ANKHD1: variants seen among roughly 807,000 people sequenced by gnomAD.
The protein encoded by ANKHD1 is ankyrin repeat and KH domain-containing protein 1.
Under a neutral mutation model 230.5 loss-of-function variants are expected in ANKHD1, and 31 were observed. The ratio of observed to expected loss-of-function variants is 0.13; its 90% CI spans 0.10 to 0.18. The LOEUF is 0.18. Ranked by LOEUF, ANKHD1 falls within the 10% of genes least tolerant of loss-of-function variation. The pLI is 1.00. For missense variants in ANKHD1, 2,256 were observed against 3,071.3 expected (o/e 0.73, Z 6.27); for synonymous variants, 1,074 against 1,117.6 (o/e 0.96, Z 0.78).
chr5:140,534,101 G>C (rs1753964982), intron 29 of ANKHD1, among the ~76,000 whole-genome samples: 1 of 152,078 alleles, frequency 6.6e-6, no homozygotes, highest in Non-Finnish European at 1.5e-5. Flanking sequence ...GCTTAGAAAT[G>C]GAAATATGAG....
intron 1 of ANKHD1, among the ~76,000 whole-genome samples, chr5:140,425,610 A>T (rs963119951): frequency 6.6e-6 from 1 of 152,032 alleles, no homozygotes; most frequent in Non-Finnish European, 1.5e-5. Flanking sequence ...CTGGGGGGGA[A>T]TAAAGTTTTC....
Position 140,526,220 on chromosome 5 carries a change from G to A in ANKHD1, c.4717G>A (p.Ala1573Thr), listed in dbSNP as rs754009389. The change falls in exon 26 of 34, where the codon GCA becomes ACA. Residue 1573 changes from alanine (A) to threonine (T), a missense_variant. This residue lies in a region of ANKHD1 where 212 missense variants were observed against 257.3 expected (regional missense o/e 0.82). Transcript: ENST00000360839. The part of the protein sequence containing the change: ...EQHMSLAQQK[A>T]DKNKINGEPR... The stretch of plus-strand genomic sequence containing the variant: ...ACATATGTCTTTAGCCCAACAAAAG[G>A]CAGATAAAAATAAAATAAATGGAGA... The A allele has an allele frequency of 4.3e-5, 70 of 1,613,948 alleles. No homozygotes were observed. Among genetic ancestry groups the A allele is most frequent in the Non-Finnish European group, 5.9e-5 (70 of 1,180,020 alleles).
In ANKHD1 at chr5:140,539,049, T is replaced by C; in HGVS notation, c.7535T>C (p.Ile2512Thr). The C allele has an allele frequency of 6.2e-7, 1 of 1,611,918 alleles. No homozygotes were observed. The highest frequency in any genetic ancestry group is 8.5e-7 in the Non-Finnish European group (1 of 1,179,202). Residue 2512 changes from isoleucine to threonine, a missense_variant, in exon 33 of 34, where the codon ATC (isoleucine) becomes ACC (threonine). Transcript: ENST00000360839. ...GCTTGGAACCCTATGATAAAAGTTA[T>C]CCAAAATTCAACTGAATGCACTGAT... ...DPAWNPMIKV[I>T]QNSTECTDAQ...
At chr5:140,403,968 A>C (rs1186840007) in intron 1 of ANKHD1, among the ~76,000 whole-genome samples, 2 of 152,226 alleles carry the variant, frequency 1.3e-5, no homozygotes, top group Non-Finnish European at 2.9e-5. Context: ...TTAAAACCTT[A>C]GTACATTCTG....
chr5:140,490,734 A>G (rs1751735352), intron 14 of ANKHD1, among the ~76,000 whole-genome samples: 1 of 152,182 alleles, frequency 6.6e-6, no homozygotes, highest in African/African-American at 2.4e-5. Flanking sequence ...ATTTAAAATT[A>G]TGTCAGGATA....
intron 7 of ANKHD1, 42 bp downstream of exon 7, chr5:140,449,347 A>G: frequency 1.3e-6 from 2 of 1,595,860 alleles, no homozygotes; most frequent in South Asian, 2.3e-5. Context: ...ATGGGAAGAA[A>G]AGGTCGTATG....
chr5:140,454,053 G>C (rs1227255811), intron 7 of ANKHD1, among the ~76,000 whole-genome samples: 1 of 152,050 alleles, frequency 6.6e-6, no homozygotes, highest in African/African-American at 2.4e-5. Context: ...AAAAAGGCAG[G>C]GGTTGCAATC....
chr5:140,493,155 G>C (rs569312691), intron 14 of ANKHD1, among the ~76,000 whole-genome samples: 17 of 152,284 alleles, frequency 1.1e-4, no homozygotes, highest in East Asian at 1.9e-4. Flanking sequence ...TCTGCCTCCT[G>C]GGTTCAAGCG....
chr5:140,503,169 C>T (rs987849742), intron 15 of ANKHD1, among the ~76,000 whole-genome samples: 2 of 152,090 alleles, frequency 1.3e-5, no homozygotes, highest in Non-Finnish European at 2.9e-5. Flanking sequence ...TTAAGTCCTA[C>T]GTGTTTTTGA....
chr5:140,421,659 A>G (rs1002495608), intron 1 of ANKHD1, among the ~76,000 whole-genome samples: 1 of 152,160 alleles, frequency 6.6e-6, no homozygotes, highest in South Asian at 2.1e-4. Flanking sequence ...TTTAAGTAAC[A>G]TACAGTTTGA....
intron 10 of ANKHD1, among the ~76,000 whole-genome samples, chr5:140,471,848 C>T (rs935530885): frequency 7.9e-5 from 12 of 152,134 alleles, no homozygotes; most frequent in Non-Finnish European, 1.6e-4. Context: ...ATTTATCTTA[C>T]AGTATTTTCC....
intron 6 of ANKHD1, among the ~76,000 whole-genome samples, chr5:140,447,470 A>C (rs1774380991): frequency 6.6e-6 from 1 of 152,096 alleles, no homozygotes; most frequent in African/African-American, 2.4e-5. Context: ...AGACTCCCAA[A>C]GTGTTAGGAT....
chr5:140,471,443 G>T (rs1776491476), intron 10 of ANKHD1, among the ~76,000 whole-genome samples: 1 of 152,152 alleles, frequency 6.6e-6, no homozygotes, highest in Non-Finnish European at 1.5e-5. Flanking sequence ...GGGTAAGGTG[G>T]CAGGGAAGAG....
chr5:140,419,822 C>CTT (rs1406002868), intron 1 of ANKHD1, among the ~76,000 whole-genome samples: 1 of 98,808 alleles, frequency 1.0e-5, no homozygotes. Context: ...TTCTTTCTTT[C>CTT]TTTCTTTCTT....
chr5:140,482,289 CTTAGAA>C (rs1751315230), intron 10 of ANKHD1, among the ~76,000 whole-genome samples: 2 of 151,958 alleles, frequency 1.3e-5, no homozygotes, highest in Non-Finnish European at 2.9e-5. Flanking sequence ...TTTTTTAAAA[CTTAGAA>C]TTAGAAAAAT....
At chr5:140,409,124 T>G (rs1770718359) in intron 1 of ANKHD1, among the ~76,000 whole-genome samples, 1 of 152,210 alleles carries the variant, frequency 6.6e-6, no homozygotes, top group African/African-American at 2.4e-5. Context: ...GAGGCCACTC[T>G]TGTCAGGAAT....
chr5:140,453,563 A>G (rs1774919206), intron 7 of ANKHD1, among the ~76,000 whole-genome samples: 1 of 152,220 alleles, frequency 6.6e-6, no homozygotes, highest in African/African-American at 2.4e-5. Flanking sequence ...AATATTCAAC[A>G]TTCTTAAAGA....
intron 14 of ANKHD1, among the ~76,000 whole-genome samples, chr5:140,488,447 GT>G (rs1751605527): frequency 6.6e-6 from 1 of 151,980 alleles, no homozygotes; most frequent in African/African-American, 2.4e-5. Context: ...TTAGCCAGGT[GT>G]GTTGGTGGGT....
intron 25 of ANKHD1, 145 bp downstream of exon 25, chr5:140,524,385 T>C: frequency 6.7e-6 from 9 of 1,344,836 alleles, no homozygotes; most frequent in Non-Finnish European, 8.6e-6. Context: ...ATAGTAAATA[T>C]TTGTAAGTGT....
Sources: allele counts gnomAD v4.1 joint callset (sites outside exome capture counted in the v4.1 genomes callset), GRCh38; gene constraint gnomAD v4.1.1; regional missense constraint gnomAD v4.1.1; transcripts MANE v1.5; gene names NCBI Gene and HGNC (gene_info 2026-07-23, HGNC 2026-07-21).